CADPS: variants seen among roughly 807,000 people sequenced by gnomAD.
The protein encoded by CADPS is calcium dependent secretion activator, also known as calcium-dependent secretion activator 1.
Under a neutral mutation model 167.3 loss-of-function variants are expected in CADPS, and 57 were observed. The observed-to-expected ratio is 0.34, with a 90% CI of 0.28 to 0.42. The LOEUF (loss-of-function observed/expected upper bound fraction) is 0.42, where lower values mean the gene tolerates loss of function less well. Among genes scored for constraint, CADPS ranks in the 20% least tolerant of loss-of-function variants. The pLI is 1.00. For synonymous variants in CADPS, 676 were observed against 635.3 expected (o/e 1.06, Z -0.96); for missense variants, 1,414 against 1,738.1 (o/e 0.81, Z 3.32).
At chr3:62,854,396 C>T (rs991095995) in intron 1 of CADPS, among the ~76,000 whole-genome samples, 4 of 152,012 alleles carry the variant, frequency 2.6e-5, no homozygotes, top group Admixed American at 6.6e-5. Flanking sequence ...TCTATCGTTT[C>T]AAATATAAAG....
At chr3:62,556,964 T>A (rs2078251420) in intron 10 of CADPS, among the ~76,000 whole-genome samples, 1 of 148,866 alleles carries the variant, frequency 6.7e-6, no homozygotes, top group Admixed American at 6.7e-5. Flanking sequence ...CACTGAAACC[T>A]GCCAAGCCCA....
chr3:62,732,619 T>C (rs550670392), intron 3 of CADPS, among the ~76,000 whole-genome samples: 4 of 152,354 alleles, frequency 2.6e-5, no homozygotes, highest in African/African-American at 9.6e-5. Flanking sequence ...CATGCACTTA[T>C]TCACTGATTC....
chr3:62,687,719 C>T (rs908300329), intron 3 of CADPS, among the ~76,000 whole-genome samples: 6 of 139,866 alleles, frequency 4.3e-5, no homozygotes, highest in African/African-American at 1.6e-4. Context: ...TTGCTACTTC[C>T]GGGGTTCCCT....
intron 3 of CADPS, among the ~76,000 whole-genome samples, chr3:62,714,357 T>A (rs1183433854): frequency 6.6e-6 from 1 of 152,214 alleles, no homozygotes; most frequent in Non-Finnish European, 1.5e-5. Context: ...GTACTGTACA[T>A]GTTTCTAATG....
intron 3 of CADPS, among the ~76,000 whole-genome samples, chr3:62,749,987 A>AT (rs984512263): frequency 2.0e-5 from 3 of 152,140 alleles, no homozygotes; most frequent in Non-Finnish European, 2.9e-5. Flanking sequence ...AATGCATATT[A>AT]TTTTTTTGTA....
chr3:62,834,054 T>C (rs1367058896), intron 1 of CADPS, among the ~76,000 whole-genome samples: 1 of 152,172 alleles, frequency 6.6e-6, no homozygotes, highest in African/African-American at 2.4e-5. Context: ...ATTTTGTAAG[T>C]TCTCTGTCAT....
chr3:62,569,186 C>T (rs572385780), intron 9 of CADPS, among the ~76,000 whole-genome samples: 2 of 152,272 alleles, frequency 1.3e-5, no homozygotes, highest in South Asian at 2.1e-4. Context: ...CTGCAACCTC[C>T]ACCTCCCTGG....
chr3:62,855,878 T>A (rs1187098384), intron 1 of CADPS, among the ~76,000 whole-genome samples: 1 of 152,196 alleles, frequency 6.6e-6, no homozygotes, highest in Non-Finnish European at 1.5e-5. Context: ...TCCTTTAGAT[T>A]TTTATACTTT....
At chr3:62,758,513 C>G (rs2084568808) in intron 2 of CADPS, among the ~76,000 whole-genome samples, 1 of 152,226 alleles carries the variant, frequency 6.6e-6, no homozygotes, top group Non-Finnish European at 1.5e-5. Context: ...CAGCCTCACC[C>G]TATAATGAAT....
intron 5 of CADPS, among the ~76,000 whole-genome samples, chr3:62,648,478 T>C (rs2069109750): frequency 6.6e-6 from 1 of 151,814 alleles, no homozygotes. Flanking sequence ...GTCCAGGAGT[T>C]GAAGACCAGC....
intron 1 of CADPS, among the ~76,000 whole-genome samples, chr3:62,855,197 G>A (rs994953761): frequency 2.7e-5 from 4 of 149,142 alleles, no homozygotes; most frequent in Admixed American, 6.9e-5. Flanking sequence ...TGCCCACTTC[G>A]GCCTCCCAAA....
intron 3 of CADPS, among the ~76,000 whole-genome samples, chr3:62,664,477 G>A (rs1263717253): frequency 6.6e-6 from 1 of 152,190 alleles, no homozygotes; most frequent in Non-Finnish European, 1.5e-5. Context: ...GCACACACAC[G>A]TGGGAAATAC....
chr3:62,759,010 T>C (rs2152457886), intron 2 of CADPS, among the ~76,000 whole-genome samples: 1 of 152,282 alleles, frequency 6.6e-6, no homozygotes, highest in East Asian at 1.9e-4. Flanking sequence ...GAAAAACATC[T>C]AGATGTTGGA....
intron 5 of CADPS, among the ~76,000 whole-genome samples, chr3:62,648,851 T>C (rs2069267629): frequency 6.6e-6 from 1 of 152,070 alleles, no homozygotes; most frequent in African/African-American, 2.4e-5. Context: ...AGAAAATACA[T>C]TCAGTACCTC....
intron 3 of CADPS, among the ~76,000 whole-genome samples, chr3:62,751,027 C>T (rs971586586): frequency 3.3e-5 from 5 of 152,138 alleles, no homozygotes; most frequent in African/African-American, 1.2e-4. Context: ...AAAGGTAGAG[C>T]TCCTAGGTCA....
chr3:62,614,969 A>G (rs1562924585), intron 6 of CADPS, among the ~76,000 whole-genome samples: 1 of 152,220 alleles, frequency 6.6e-6, no homozygotes, highest in Non-Finnish European at 1.5e-5. Flanking sequence ...AGAGCTCAGC[A>G]AAGTGTCAGA....
chr3:62,402,904 G>A (rs1706933042), intron 29 of CADPS, among the ~76,000 whole-genome samples, 177 bp downstream of exon 29: 1 of 152,108 alleles, frequency 6.6e-6, no homozygotes, highest in Non-Finnish European at 1.5e-5. Flanking sequence ...ATTTCCCTTT[G>A]CTGTCTGAGT....
chr3:62,482,938 A>G (rs2062221343), intron 21 of CADPS, among the ~76,000 whole-genome samples: 2 of 152,212 alleles, frequency 1.3e-5, no homozygotes, highest in Non-Finnish European at 2.9e-5. Context: ...GGATGGTTTT[A>G]TAAGTAGAGG....
chr3:62,546,709 G>A (rs1005278926), intron 11 of CADPS, among the ~76,000 whole-genome samples: 1 of 152,142 alleles, frequency 6.6e-6, no homozygotes, highest in African/African-American at 2.4e-5. Flanking sequence ...GAACAATACA[G>A]TGTAATAACT....
Sources: allele counts gnomAD v4.1 joint callset (sites outside exome capture counted in the v4.1 genomes callset), GRCh38; gene constraint gnomAD v4.1.1; transcripts MANE v1.5; gene names NCBI Gene and HGNC (gene_info 2026-07-23, HGNC 2026-07-21).